The following ARHGAP24 variants were observed in gnomAD, a reference collection of about 807,000 sequenced individuals.
ARHGAP24 encodes Rho GTPase activating protein 24, also known as rho GTPase-activating protein 24.
In ARHGAP24, 50 loss-of-function variants were observed where a neutral mutation model predicts 76.4. The ratio of observed to expected loss-of-function variants is 0.65; its 90% CI spans 0.52 to 0.83. The LOEUF (loss-of-function observed/expected upper bound fraction) is 0.83, where lower values mean the gene tolerates loss of function less well. Ranked by LOEUF, ARHGAP24 falls within the 40% of genes least tolerant of loss-of-function variation. The probability of loss-of-function intolerance (pLI) is 0.00; values close to 1 mark genes in which losing one functional copy is unlikely to be tolerated. For missense variants in ARHGAP24, 930 were observed against 914.2 expected (o/e 1.02, Z -0.22); for synonymous variants, 345 against 323.3 (o/e 1.07, Z -0.72).
chr4:85,980,053 C>T (rs999309744), intron 8 of ARHGAP24, among the ~76,000 whole-genome samples: 3 of 152,190 alleles, frequency 2.0e-5, no homozygotes, highest in African/African-American at 4.8e-5. Flanking sequence ...ATTTCTTAGG[C>T]TCATATGTTT....
chr4:85,577,420 G>A (rs1210281453), intron 2 of ARHGAP24, among the ~76,000 whole-genome samples: 1 of 152,060 alleles, frequency 6.6e-6, no homozygotes, highest in Non-Finnish European at 1.5e-5. Flanking sequence ...ATATAAAATA[G>A]CGTATTGCCT....
chr4:85,484,754 C>A (rs937613901), intron 1 of ARHGAP24, among the ~76,000 whole-genome samples: 1 of 152,008 alleles, frequency 6.6e-6, no homozygotes, highest in African/African-American at 2.4e-5. Flanking sequence ...GTAGCTGGGA[C>A]TATAGGCGTG....
chr4:85,701,692 A>G (rs1329540585), intron 2 of ARHGAP24, among the ~76,000 whole-genome samples: 1 of 151,992 alleles, frequency 6.6e-6, no homozygotes, highest in Non-Finnish European at 1.5e-5. Flanking sequence ...TCTTTTTACA[A>G]TTCAGAATTG....
At chr4:85,958,807 C>A (rs1445107472) in intron 5 of ARHGAP24, among the ~76,000 whole-genome samples, 2 of 152,126 alleles carry the variant, frequency 1.3e-5, no homozygotes, top group Admixed American at 6.6e-5. Flanking sequence ...TTTCTTATGC[C>A]CATTTACTGT....
At chr4:85,995,775 C>A in intron 9 of ARHGAP24, 118 bp downstream of exon 9, 2 of 1,014,798 alleles carry the variant, frequency 2.0e-6, no homozygotes, top group Non-Finnish European at 3.0e-6. Flanking sequence ...CACAAGTTTG[C>A]TCCATCATTT....
chr4:85,804,787 C>CA (rs2081929088), intron 3 of ARHGAP24, among the ~76,000 whole-genome samples: 1 of 152,108 alleles, frequency 6.6e-6, no homozygotes, highest in Non-Finnish European at 1.5e-5. Context: ...CTCTTGAAGA[C>CA]ATTAGCTGTA....
intron 5 of ARHGAP24, among the ~76,000 whole-genome samples, chr4:85,961,226 A>C (rs1738224292): frequency 6.6e-6 from 1 of 152,136 alleles, no homozygotes; most frequent in Non-Finnish European, 1.5e-5. Flanking sequence ...TTATACATAC[A>C]TATTAATAAA....
intron 2 of ARHGAP24, among the ~76,000 whole-genome samples, chr4:85,592,160 T>A (rs1210427426): frequency 1.3e-5 from 2 of 152,192 alleles, no homozygotes; most frequent in African/African-American, 4.8e-5. Flanking sequence ...TTTCTCTAAC[T>A]TTTAATTTTT....
At chr4:85,626,054 C>G (rs1257968560) in intron 2 of ARHGAP24, among the ~76,000 whole-genome samples, 7 of 152,160 alleles carry the variant, frequency 4.6e-5, no homozygotes, top group African/African-American at 1.7e-4. Flanking sequence ...TTAATTGGAA[C>G]ATTTAGTCCA....
chr4:85,969,288 A>C (rs1233786451), intron 5 of ARHGAP24, among the ~76,000 whole-genome samples: 1 of 152,200 alleles, frequency 6.6e-6, no homozygotes, highest in African/African-American at 2.4e-5. Context: ...GTTTGGGAAT[A>C]GTCAATGTAA....
intron 2 of ARHGAP24, among the ~76,000 whole-genome samples, chr4:85,624,342 A>C (rs1198912953): frequency 2.6e-5 from 4 of 152,234 alleles, no homozygotes; most frequent in African/African-American, 9.6e-5. Flanking sequence ...TATTGAGATA[A>C]TCATGTGGTT....
At chr4:85,842,886 T>C (rs1353823917) in intron 3 of ARHGAP24, among the ~76,000 whole-genome samples, 1 of 152,174 alleles carries the variant, frequency 6.6e-6, no homozygotes, top group Non-Finnish European at 1.5e-5. Context: ...TGGGGTGGTA[T>C]CAGTAACCCT....
chr4:85,523,082 C>G (rs537743691), intron 1 of ARHGAP24, among the ~76,000 whole-genome samples: 61 of 152,246 alleles, frequency 4.0e-4, no homozygotes, highest in Admixed American at 7.2e-4. Context: ...TGGTATCCCA[C>G]AAATTCAGAT....
intron 2 of ARHGAP24, among the ~76,000 whole-genome samples, chr4:85,653,846 G>A (rs961790760): frequency 3.9e-5 from 6 of 152,068 alleles, no homozygotes; most frequent in African/African-American, 1.4e-4. Flanking sequence ...ATAGCCACAT[G>A]TGCCCAGTGA....
At chr4:85,660,884 A>G (rs141145013) in intron 2 of ARHGAP24, among the ~76,000 whole-genome samples, 198 of 149,522 alleles carry the variant, frequency 1.3e-3, no homozygotes, top group African/African-American at 4.6e-3. Flanking sequence ...TAGAGTTTCA[A>G]TTTGTAGCCG....
At chr4:85,493,458 A>G (rs965193309) in intron 1 of ARHGAP24, among the ~76,000 whole-genome samples, 2 of 152,084 alleles carry the variant, frequency 1.3e-5, no homozygotes, top group African/African-American at 4.8e-5. Context: ...ACTTTCAATT[A>G]TTTATGTATA....
intron 3 of ARHGAP24, among the ~76,000 whole-genome samples, chr4:85,899,107 T>G (rs1267647772): frequency 6.6e-6 from 1 of 152,212 alleles, no homozygotes; most frequent in Non-Finnish European, 1.5e-5. Flanking sequence ...AAAAAATTAA[T>G]CAGATACCTT....
intron 2 of ARHGAP24, among the ~76,000 whole-genome samples, chr4:85,719,337 G>C (rs1439320070): frequency 6.6e-6 from 1 of 152,112 alleles, no homozygotes; most frequent in African/African-American, 2.4e-5. Flanking sequence ...TGGAGGAGGA[G>C]AACAAAGGCA....
At chr4:85,965,469 C>T (rs979687889) in intron 5 of ARHGAP24, among the ~76,000 whole-genome samples, 3 of 152,116 alleles carry the variant, frequency 2.0e-5, no homozygotes, top group Non-Finnish European at 4.4e-5. Context: ...CTTTCCACCA[C>T]GTCTTCCACT....
Sources: allele counts gnomAD v4.1 joint callset (sites outside exome capture counted in the v4.1 genomes callset), GRCh38; gene constraint gnomAD v4.1.1; transcripts MANE v1.5; gene names NCBI Gene and HGNC (gene_info 2026-07-23, HGNC 2026-07-21).